Variants in DNAH5 observed in about 807,000 individuals in gnomAD.
The protein encoded by DNAH5 is dynein axonemal heavy chain 5.
A neutral mutation model predicts 518.2 loss-of-function variants in DNAH5; 372 were observed. That is an observed-to-expected ratio of 0.72 (90% confidence interval 0.66 to 0.78). The LOEUF is 0.78. Among genes scored for constraint, DNAH5 ranks in the 30% least tolerant of loss-of-function variants. DNAH5 has a pLI of 0.00. For missense variants in DNAH5, 5,523 were observed against 5,687.0 expected (o/e 0.97, Z 0.93); for synonymous variants, 2,039 against 2,025.9 (o/e 1.01, Z -0.17).
chr5:13,739,381 A>T (rs2126633061), intron 65 of DNAH5, among the ~76,000 whole-genome samples: 1 of 151,622 alleles, frequency 6.6e-6, no homozygotes, highest in Middle Eastern at 3.4e-3. Flanking sequence ...GCTTGTACTC[A>T]CTCTGTCTTG....
chr5:13,709,186 G>C (rs943142170), intron 75 of DNAH5, among the ~76,000 whole-genome samples: 7 of 152,096 alleles, frequency 4.6e-5, no homozygotes, highest in African/African-American at 2.4e-5. Flanking sequence ...TGCCTGCTTA[G>C]TAGAAAACAG....
intron 35 of DNAH5, among the ~76,000 whole-genome samples, chr5:13,835,106 G>A (rs1477035755): frequency 6.6e-6 from 1 of 152,044 alleles, no homozygotes; most frequent in East Asian, 1.9e-4. Context: ...CCAACACGGT[G>A]AAACCCCGCA....
intron 28 of DNAH5, among the ~76,000 whole-genome samples, chr5:13,863,682 T>A (rs1768806000): frequency 6.6e-6 from 1 of 152,188 alleles, no homozygotes; most frequent in African/African-American, 2.4e-5. Context: ...AACTCTCAGT[T>A]GGTTTTTCCA....
chr5:13,967,315 AGATTT>A (rs1478564819), intron 1 of DNAH5, among the ~76,000 whole-genome samples: 1 of 152,198 alleles, frequency 6.6e-6, no homozygotes, highest in Non-Finnish European at 1.5e-5. Flanking sequence ...TTCAAGTCTT[AGATTT>A]AAGTCTTTGA....
chr5:13,911,364 G>T lies in DNAH5; in HGVS notation c.1644+22C>A, dbSNP rs191177716. On this transcript the variant is annotated intron_variant, in intron 12 of 78. Transcript: ENST00000265104. ...AAAAATAAACACACGACTGTCAACA[G>T]GAATTTTATTATACAACCTACATGA... 5 of 1,580,802 alleles carry T rather than the reference G, an allele frequency of 3.2e-6. No individual in the cohort carries two copies. The East Asian group carries it at 1.1e-4, about 35-fold the overall frequency.
chr5:13,832,440 A>T (rs1339035132), intron 35 of DNAH5, among the ~76,000 whole-genome samples: 1 of 152,230 alleles, frequency 6.6e-6, no homozygotes, highest in South Asian at 2.1e-4. Context: ...GATCTGTCAC[A>T]GCATCTCCCT....
chr5:13,906,101 G>A (rs891094200), intron 12 of DNAH5, among the ~76,000 whole-genome samples: 1 of 152,186 alleles, frequency 6.6e-6, no homozygotes, highest in Non-Finnish European at 1.5e-5. Context: ...AGTAGTTACC[G>A]GGAGAGGGAA....
At chr5:13,963,035 C>T (rs1244229532) in intron 1 of DNAH5, among the ~76,000 whole-genome samples, 1 of 152,100 alleles carries the variant, frequency 6.6e-6, no homozygotes, top group Non-Finnish European at 1.5e-5. Context: ...ATTTTGAGAA[C>T]CAGCCACCTT....
chr5:13,746,085 T>A (rs951125639), intron 65 of DNAH5, among the ~76,000 whole-genome samples: 1 of 152,136 alleles, frequency 6.6e-6, no homozygotes, highest in Non-Finnish European at 1.5e-5. Flanking sequence ...CTGAAAAAAC[T>A]TAAAGTTTAA....
At chr5:13,909,198 G>A (rs940546067) in intron 12 of DNAH5, among the ~76,000 whole-genome samples, 21 of 152,136 alleles carry the variant, frequency 1.4e-4, no homozygotes, top group African/African-American at 4.8e-4. Context: ...CAAAATCCCC[G>A]GTGGGTGACT....
At position 13,900,298 on chromosome 5, in the gene DNAH5, ACT is replaced by A; in HGVS notation, c.2165_2166del (p.Glu722ValfsTer22). On this transcript the variant is annotated frameshift_variant, in exon 15 of 79. Transcript: ENST00000265104. LOFTEE classifies it high-confidence loss of function. ...PQILILFRET[E>X]CMAQMGLEVS... ...ACTTCCAGACCCATCTGGGCCATGC[ACT>A]CTGTTTCTCTAAATAAGATTAATAT... 2 of 1,614,108 alleles carry A rather than the reference ACT, an allele frequency of 1.2e-6. No individual in the cohort carries two copies. The highest frequency in any genetic ancestry group is 1.7e-6 in the Non-Finnish European group (2 of 1,179,970).
At chr5:13,860,022 C>A (rs573316696) in intron 29 of DNAH5, among the ~76,000 whole-genome samples, 32 of 152,254 alleles carry the variant, frequency 2.1e-4, no homozygotes, top group African/African-American at 7.2e-4. Flanking sequence ...GGGGACCAGA[C>A]AACTAATTCA....
intron 1 of DNAH5, among the ~76,000 whole-genome samples, chr5:13,976,118 C>T (rs1200598102): frequency 6.6e-6 from 1 of 152,186 alleles, no homozygotes; most frequent in Non-Finnish European, 1.5e-5. Context: ...ATCACAAGCA[C>T]ACTTTGTCCT....
rs146599533 is a variant in DNAH5 at position 13,778,478 on chromosome 5, A to AGAAG, written c.8952-1127_8952-1124dup. 1.5e-3 allele frequency among the ~76,000 whole-genome samples: 129 copies of AGAAG among 87,274 alleles called. 1 individual carries two copies. The highest frequency in any genetic ancestry group is 4.6e-3 in the African/African-American group (110 of 23,772). The allele number at this position is 87,274 out of a possible 152,430, so 57.3% of individuals were successfully genotyped here. Reference sequence around the variant, plus strand: ...AAGAACGAAAGAGAGAAGGAAGGAAAGAAGGAAGGAAGGAAGGAAGGGAGG... The same window carrying AGAAG: ...AAGAACGAAAGAGAGAAGGAAGGAAAGAAGGAAGGAAGGAAGGAAGGAAGGGAGG... On this transcript the variant is annotated intron_variant, in intron 53 of 78. Transcript: ENST00000265104.
rs773250828 is a variant in DNAH5 at position 13,850,784 on chromosome 5, G to A, written c.4982C>T (p.Ser1661Phe). 1.9e-6 allele frequency: 3 copies of A among 1,614,018 alleles called. No individual in the cohort carries two copies. The highest frequency in any genetic ancestry group is 4.5e-5 in the East Asian group (2 of 44,884). Residue 1661 changes from serine (S) to phenylalanine (F), a missense_variant, in exon 31 of 79, where the codon TCT (serine) becomes TTT (phenylalanine). Around this residue, in one of 3 missense-constraint regions of DNAH5, gnomAD observed 5,121 missense variants for 5,223.3 expected, o/e 0.98. Coordinates refer to ENST00000265104, the MANE Select transcript of DNAH5 (RefSeq NM_001369.3). Reference sequence around the variant, plus strand: ...TGCCCGAGTCATGATCTTCACCCAAGATTTATCTATGTTAGAAAACCGCTT... The same window carrying A: ...TGCCCGAGTCATGATCTTCACCCAAAATTTATCTATGTTAGAAAACCGCTT... ...EAKRFSNIDK[S>F]WVKIMTRAHE...
At chr5:13,728,606 A>G (rs1385838586) in intron 69 of DNAH5, among the ~76,000 whole-genome samples, 5 of 152,194 alleles carry the variant, frequency 3.3e-5, no homozygotes, top group Admixed American at 3.3e-4. Flanking sequence ...AATGGTTTGT[A>G]CCCCTAAGTA....
Position 13,788,927 on chromosome 5 carries a change from T to C in DNAH5, c.8449-13A>G. Reference sequence around the variant, plus strand: ...GCTTTAACAGATCCTGTTGAAAGTATAATTAAAATGTGTTAGTAATTCCTG... The same window carrying C: ...GCTTTAACAGATCCTGTTGAAAGTACAATTAAAATGTGTTAGTAATTCCTG... On this transcript the variant is annotated splice_polypyrimidine_tract_variant and intron_variant, in intron 50 of 78. Transcript: ENST00000265104. 2 of 1,612,406 alleles carry C rather than the reference T, an allele frequency of 1.2e-6. No individual in the cohort carries two copies. Among genetic ancestry groups the C allele is most frequent in the Non-Finnish European group, 1.7e-6 (2 of 1,178,564 alleles).
intron 1 of DNAH5, among the ~76,000 whole-genome samples, chr5:13,996,802 C>T (rs1343136561): frequency 6.6e-6 from 1 of 152,236 alleles, no homozygotes; most frequent in East Asian, 1.9e-4. Context: ...TGGGGTTGCA[C>T]ACTGATGGCT....
At chr5:14,004,838 A>T (rs1784609159) in intron 1 of DNAH5, among the ~76,000 whole-genome samples, 1 of 151,358 alleles carries the variant, frequency 6.6e-6, no homozygotes, top group African/African-American at 2.4e-5. Context: ...AAACTGTGAA[A>T]TGATGGGTTG....
Sources: allele counts gnomAD v4.1 joint callset (sites outside exome capture counted in the v4.1 genomes callset), GRCh38; gene constraint gnomAD v4.1.1; regional missense constraint gnomAD v4.1.1; transcripts MANE v1.5; gene names NCBI Gene and HGNC (gene_info 2026-07-23, HGNC 2026-07-21).